HOMEZ: variants seen among roughly 807,000 people sequenced by gnomAD.
HOMEZ encodes homeobox and leucine zipper protein Homez.
Under a neutral mutation model 50.1 loss-of-function variants are expected in HOMEZ, and 20 were observed. The observed-to-expected ratio is 0.40, with a 90% confidence interval of 0.28 to 0.58. The LOEUF is 0.58. HOMEZ is among the 20% of genes least tolerant of loss of function. The pLI is 0.46. For synonymous variants in HOMEZ, 239 were observed against 254.7 expected (o/e 0.94, Z 0.59); for missense variants, 579 against 680.5 (o/e 0.85, Z 1.66).
In HOMEZ at chr14:23,281,852, T is replaced by C. The variant is rs996185448; in HGVS notation, c.40+4061A>G. On this transcript the variant is annotated intron_variant, in intron 1 of 1. Transcript: ENST00000357460. The stretch of plus-strand genomic sequence containing the variant: ...AATAATAATAATACAAAATATTAGC[T>C]GGGCATGGTGGCGCAACTGTAGTCC... 2.7e-5 allele frequency among the ~76,000 whole-genome samples: 4 copies of C among 149,692 alleles called. No homozygotes were observed. In the East Asian group the frequency reaches 5.8e-4, roughly 22 times the overall value.
At chr14:23,278,015 G>T (rs868296682) in intron 1 of HOMEZ, among the ~76,000 whole-genome samples, 9 of 152,002 alleles carry the variant, frequency 5.9e-5, no homozygotes, top group African/African-American at 2.2e-4. Context: ...TTTTAGTAGA[G>T]ATGGGGTTTC....
rs1303889517 is a variant in HOMEZ at position 23,280,749 on chromosome 14, T to C, written c.41-3562A>G. 1.0e-4 allele frequency among the ~76,000 whole-genome samples: 10 copies of C among 100,436 alleles called. 1 individual carries two copies. The highest frequency in any genetic ancestry group is 4.7e-4 in the Admixed American group (4 of 8,448). 65.9% of individuals were successfully genotyped at this position (100,436 alleles called of 152,430 possible). Reference sequence around the variant, plus strand: ...TATTTTATTTTATTTTATTATTTTATTTTATTTTATTTTATTTTATTTTAT... The same window carrying C: ...TATTTTATTTTATTTTATTATTTTACTTTATTTTATTTTATTTTATTTTAT... On this transcript the variant is annotated intron_variant, in intron 1 of 1. Transcript: ENST00000357460.
Position 23,272,967 on chromosome 14 carries a change from C to A in HOMEZ, c.*2608G>T. 1.2e-6 allele frequency: 1 copy of A among 806,818 alleles called. No homozygotes were observed. 50.0% of individuals were successfully genotyped at this position (806,818 alleles called of 1,614,324 possible). ...TTCCAGTACGCATTAGGGGTGATGG[C>A]CCTGGAAAATGTATCCCTGCATTGT... On this transcript the variant is annotated 3_prime_UTR_variant, in exon 2 of 2. Transcript: ENST00000357460.
rs1555323548 is a variant in HOMEZ, at chr14:23,280,710, T to TTTTATTTTTGTATTTTA, written c.41-3524_41-3523insTAAAATACAAAAATAAA. ...TTTTATTTTTATTTTTATATTTTTA[T>TTTTATTTTTGTATTTTA]TTTTATTTTATTTTATTTTATTTTA... On this transcript the variant is annotated intron_variant, in intron 1 of 1. Transcript: ENST00000357460. Among the ~76,000 whole-genome samples the TTTTATTTTTGTATTTTA allele has an allele frequency of 4.8e-5, 3 of 62,100 alleles. 1 individual carries two copies. Among genetic ancestry groups the TTTTATTTTTGTATTTTA allele is most frequent in the Non-Finnish European group, 7.0e-5 (2 of 28,458 alleles). 40.7% of individuals were successfully genotyped at this position (62,100 alleles called of 152,430 possible). A position where few individuals can be genotyped will look rare whatever the true frequency, so the allele number is the denominator to read the frequency against.
chr14:23,284,695 C>T (rs1193186221), intron 1 of HOMEZ, among the ~76,000 whole-genome samples: 4 of 152,118 alleles, frequency 2.6e-5, no homozygotes, highest in Admixed American at 2.6e-4. Flanking sequence ...AGAGACATAA[C>T]GCAAGGAAGA....
At chr14:23,280,405 T>C (rs978480299) in intron 1 of HOMEZ, among the ~76,000 whole-genome samples, 1 of 152,092 alleles carries the variant, frequency 6.6e-6, no homozygotes, top group African/African-American at 2.4e-5. Context: ...CTCCTGAGCT[T>C]AACTTTTCAG....
In HOMEZ at chr14:23,275,336, TCCCTA is replaced by T; in HGVS notation, c.*234_*238del. On this transcript the variant is annotated 3_prime_UTR_variant, in exon 2 of 2. Coordinates refer to ENST00000357460, the MANE Select transcript of HOMEZ (RefSeq NM_020834.3). ...CATGGTTTCCCCAGATCCTTAGCAC[TCCCTA>T]CCCTAAGGTTAGAGGGTTGGATTTC... The T allele has an allele frequency of 1.9e-6, 1 of 539,568 alleles. No homozygotes were observed. 33.4% of individuals were successfully genotyped at this position (539,568 alleles called of 1,614,324 possible).
At chr14:23,283,043 A>T (rs1055768505) in intron 1 of HOMEZ, among the ~76,000 whole-genome samples, 2 of 152,346 alleles carry the variant, frequency 1.3e-5, no homozygotes, top group African/African-American at 2.4e-5. Context: ...CATAATAAAG[A>T]CACTAGAGTA....
chr14:23,283,613 G>A (rs1452598992), intron 1 of HOMEZ, among the ~76,000 whole-genome samples: 1 of 152,158 alleles, frequency 6.6e-6, no homozygotes, highest in Admixed American at 6.5e-5. Context: ...TGGGAGGCGA[G>A]GCTGGGTCTA....
Position 23,275,905 on chromosome 14 carries a change from T to C in HOMEZ, c.1323A>G (p.Ser441=). The change falls in exon 2 of 2, where the codon TCA becomes TCG. Residue 441 remains serine (S), a synonymous_variant. Transcript: ENST00000357460. ...CAGCCCTTTCGTTCAAGGAGCGGGTTGATGGTGGTGGTGTAGGAATTGCTG... is the reference window on the plus strand; with the variant it reads ...CAGCCCTTTCGTTCAAGGAGCGGGTCGATGGTGGTGGTGTAGGAATTGCTG... ...QDPAIPTPPP[S]TRSLNERAET... 1.3e-6 allele frequency: 2 copies of C among 1,597,834 alleles called. No homozygotes were observed. The highest frequency in any genetic ancestry group is 1.7e-6 in the Non-Finnish European group (2 of 1,168,668).
chr14:23,285,742 T>A, intron 1 of HOMEZ, 171 bp downstream of exon 1: 1 of 413,148 alleles, frequency 2.4e-6, no homozygotes, highest in South Asian at 1.3e-4. Flanking sequence ...ACACTCACCC[T>A]CCCCTAGTTA....
intron 1 of HOMEZ, among the ~76,000 whole-genome samples, chr14:23,280,765 TTTA>T (rs1166939742): frequency 8.9e-6 from 1 of 112,796 alleles, no homozygotes; most frequent in Non-Finnish European, 1.9e-5. Flanking sequence ...TTTATTTTAT[TTTA>T]TTTTATTTTA....
In HOMEZ at chr14:23,276,663, A is replaced by G. The variant is rs1412191472; in HGVS notation, c.565T>C (p.Ser189Pro). 1 of 1,614,004 alleles carries G rather than the reference A, an allele frequency of 6.2e-7. No homozygotes were observed. The highest frequency in any genetic ancestry group is 2.2e-5 in the East Asian group (1 of 44,872). ...CTCTGTGGCAGTGGTGGCATCTGAG[A>G]GGGCTCCTCAGGCTCTACCTTCAAT... ...KGLKVEPEEP[S>P]QMPPLPQSHQ... The change falls in exon 2 of 2, where the codon TCT becomes CCT. Residue 189 changes from serine (S) to proline (P), a missense_variant. Ser to Pro is a moderately conservative substitution (Grantham distance 74). Coordinates refer to ENST00000357460, the MANE Select transcript of HOMEZ (RefSeq NM_020834.3). The surrounding 1 kb of genome is among the most constrained non-coding windows in gnomAD (Gnocchi z 4.1).
intron 1 of HOMEZ, among the ~76,000 whole-genome samples, chr14:23,279,588 A>G (rs1430912235): frequency 6.6e-6 from 1 of 152,206 alleles, no homozygotes; most frequent in Non-Finnish European, 1.5e-5. Flanking sequence ...AGGTTGCTTT[A>G]CAAGGAAGTT....
chr14:23,281,463 G>C (rs1203982170), intron 1 of HOMEZ, among the ~76,000 whole-genome samples: 2 of 152,128 alleles, frequency 1.3e-5, no homozygotes. Flanking sequence ...ACATGAGCCT[G>C]GTTTCCTCCT....
chr14:23,283,338 A>G (rs1021783388), intron 1 of HOMEZ, among the ~76,000 whole-genome samples: 1 of 152,068 alleles, frequency 6.6e-6, no homozygotes, highest in African/African-American at 2.4e-5. Flanking sequence ...GGAATTCAAG[A>G]CTAGCCTGGG....
rs530674640 is a variant in HOMEZ at position 23,279,512 on chromosome 14, G to C, written c.41-2325C>G. Reference sequence around the variant, plus strand: ...AGAGCAGGAAATCGGAAGGAGTCAGGGTGGAGAATGAGTCAGGGCAGAGCA... The same window carrying C: ...AGAGCAGGAAATCGGAAGGAGTCAGCGTGGAGAATGAGTCAGGGCAGAGCA... On this transcript the variant is annotated intron_variant, in intron 1 of 1. Coordinates refer to ENST00000357460, the MANE Select transcript of HOMEZ (RefSeq NM_020834.3). Among the ~76,000 whole-genome samples the C allele has an allele frequency of 3.9e-5, 6 of 152,310 alleles. No homozygotes were observed. The South Asian group carries it at 1.2e-3, about 32-fold the overall frequency.
In HOMEZ at chr14:23,286,068, C is replaced by T. The variant is rs554358235; in HGVS notation, c.-116G>A. On this transcript the variant is annotated 5_prime_UTR_variant, in exon 1 of 2. Coordinates refer to ENST00000357460, the MANE Select transcript of HOMEZ (RefSeq NM_020834.3). ...ATGGCCGAAACCGGGACTGCCCCCCCCACCGTCCCCGGGAGCGCGCCGGTC... is the reference window on the plus strand; with the variant it reads ...ATGGCCGAAACCGGGACTGCCCCCCTCACCGTCCCCGGGAGCGCGCCGGTC... The T allele has an allele frequency of 3.2e-5, 39 of 1,230,956 alleles. No individual in the cohort carries two copies. The highest frequency in any genetic ancestry group is 2.9e-4 in the South Asian group (7 of 24,290). The allele number at this position is 1,230,956 out of a possible 1,614,324, so 76.3% of individuals were successfully genotyped here.
intron 1 of HOMEZ, among the ~76,000 whole-genome samples, chr14:23,278,503 C>CT (rs1250926320): frequency 4.0e-5 from 6 of 151,534 alleles, no homozygotes; most frequent in African/African-American, 1.5e-4. Flanking sequence ...GTAGCTAGGA[C>CT]TACAGGTACA....
Sources: gnomAD v4.1 joint callset for allele counts (sites outside exome capture counted in the v4.1 genomes callset) on GRCh38, gnomAD v4.1.1 for gene constraint, Gnocchi (gnomAD v3.1) non-coding constraint, MANE v1.5 for transcripts, NCBI Gene and HGNC (gene_info 2026-07-23, HGNC 2026-07-21) for gene names.